DROSHA: variants seen among roughly 807,000 people sequenced by gnomAD.
The protein encoded by DROSHA is drosha ribonuclease III, also known as ribonuclease 3.
DROSHA carries 56 observed loss-of-function variants against 181.9 expected under a neutral mutation model. That is an observed-to-expected ratio of 0.31 (90% CI 0.25 to 0.38). The LOEUF is 0.38. Ranked by LOEUF, DROSHA falls within the 10% of genes least tolerant of loss-of-function variation. The pLI, the probability that DROSHA is intolerant of heterozygous loss-of-function variation, is 1.00. For missense variants in DROSHA, 1,218 were observed against 1,743.5 expected (o/e 0.70, Z 5.37); for synonymous variants, 524 against 591.2 (o/e 0.89, Z 1.65).
rs773315864 is a variant in DROSHA, at chr5:31,401,302, C to A, written c.*130G>T. 8.9e-6 allele frequency: 11 copies of A among 1,235,422 alleles called. No homozygotes were observed. The highest frequency in any genetic ancestry group is 1.3e-5 in the Non-Finnish European group (11 of 853,140). 76.5% of individuals were successfully genotyped at this position (1,235,422 alleles called of 1,614,324 possible). A position where few individuals can be genotyped will look rare whatever the true frequency, so the allele number is the denominator to read the frequency against. ...AAACAGATCATTAAAACAACAATAGCGATTTGACTCTGTATTTTATTTCAA... is the reference window on the plus strand; with the variant it reads ...AAACAGATCATTAAAACAACAATAGAGATTTGACTCTGTATTTTATTTCAA... On this transcript the variant is annotated 3_prime_UTR_variant, in exon 36 of 36. Coordinates refer to ENST00000344624, the MANE Select transcript of DROSHA (RefSeq NM_001382508.1).
At chr5:31,488,665 G>A (rs190734518) in intron 13 of DROSHA, among the ~76,000 whole-genome samples, 7 of 152,198 alleles carry the variant, frequency 4.6e-5, no homozygotes, top group Admixed American at 2.0e-4. Flanking sequence ...ATATGGCAAC[G>A]AGAAATCATT....
chr5:31,428,120 A>G (rs535277633), intron 27 of DROSHA, among the ~76,000 whole-genome samples: 5 of 152,328 alleles, frequency 3.3e-5, no homozygotes, highest in African/African-American at 1.2e-4. Flanking sequence ...AGATAAGCTC[A>G]CTAAGTAGAC....
chr5:31,472,232 T>C lies in DROSHA; in HGVS notation c.2072A>G (p.Asp691Gly). The change falls in exon 17 of 36, where the codon GAT (aspartate) becomes GGT (glycine). Residue 691 changes from aspartate (D) to glycine (G), a missense_variant and splice_region_variant. Coordinates refer to ENST00000344624, the MANE Select transcript of DROSHA (RefSeq NM_001382508.1). ...CATGGACAGCACTTCCTTTCCTCCA[T>C]CTTGGGTGGGAATGGGAGTGGAGAG... ...FMPRFVRFLP[D>G]GGKEVLSMHQ... is the part of the protein sequence containing the mutation. 6.2e-7 allele frequency: 1 copy of C among 1,603,578 alleles called. No homozygotes were observed. Among genetic ancestry groups the C allele is most frequent in the Non-Finnish European group, 8.5e-7 (1 of 1,174,474 alleles).
intron 30 of DROSHA, among the ~76,000 whole-genome samples, chr5:31,417,757 C>T (rs990103825): frequency 8.5e-5 from 13 of 152,064 alleles, no homozygotes; most frequent in African/African-American, 3.1e-4. Context: ...GAGAAACAAC[C>T]AAATGGGACT....
chr5:31,418,902 G>A (rs1580012363), intron 30 of DROSHA, among the ~76,000 whole-genome samples: 1 of 152,122 alleles, frequency 6.6e-6, no homozygotes, highest in African/African-American at 2.4e-5. Context: ...AGGCAGCTAG[G>A]GCTGGAACTC....
rs975360619 is a variant in DROSHA at position 31,514,408 on chromosome 5, A to G, written c.1290+580T>C. 1.3e-5 allele frequency among the ~76,000 whole-genome samples: 2 copies of G among 152,140 alleles called. No homozygotes were observed. The highest frequency in any genetic ancestry group is 4.8e-5 in the African/African-American group (2 of 41,446). ...GTAATCCCAGCACTTTGGGAGGCCA[A>G]GGCAGGAGGATTGCTTGAGCTCAGG... On this transcript the variant is annotated intron_variant, in intron 8 of 35. Transcript: ENST00000344624. The surrounding 1 kb of genome is among the most constrained non-coding windows in gnomAD (Gnocchi z 4.4).
chr5:31,403,645 A>G (rs1023677804), intron 35 of DROSHA, among the ~76,000 whole-genome samples: 3 of 152,276 alleles, frequency 2.0e-5, no homozygotes, highest in Admixed American at 6.5e-5. Flanking sequence ...ACAGCTATCT[A>G]TCTGTTTTTA....
intron 3 of DROSHA, among the ~76,000 whole-genome samples, chr5:31,530,064 A>C (rs1741090941): frequency 1.3e-5 from 2 of 152,242 alleles, no homozygotes; most frequent in Admixed American, 6.5e-5. Context: ...GGCTCATGAA[A>C]ATAATTTCAG....
At chr5:31,465,145 C>T (rs1011907442) in intron 19 of DROSHA, among the ~76,000 whole-genome samples, 2 of 152,188 alleles carry the variant, frequency 1.3e-5, no homozygotes, top group African/African-American at 4.8e-5. Flanking sequence ...TGGCCTAAAT[C>T]ACAGTAAGTG....
intron 5 of DROSHA, among the ~76,000 whole-genome samples, chr5:31,521,598 C>G (rs986972206): frequency 3.3e-5 from 5 of 152,110 alleles, no homozygotes; most frequent in African/African-American, 1.2e-4. Context: ...TTTTACCTAT[C>G]AAATAAATGT....
At chr5:31,446,646 G>T (rs1746334117) in intron 23 of DROSHA, among the ~76,000 whole-genome samples, 1 of 149,764 alleles carries the variant, frequency 6.7e-6, no homozygotes, top group Non-Finnish European at 1.5e-5. Flanking sequence ...TGGTAAGCCT[G>T]GGCAACATAG....
At chr5:31,463,457 G>A (rs1450313987) in intron 20 of DROSHA, among the ~76,000 whole-genome samples, 1 of 152,030 alleles carries the variant, frequency 6.6e-6, no homozygotes, top group Non-Finnish European at 1.5e-5. Context: ...TGCTACCATC[G>A]AAACAGATAA....
intron 10 of DROSHA, among the ~76,000 whole-genome samples, chr5:31,506,690 C>G (rs1316567133): frequency 8.8e-6 from 1 of 113,548 alleles, no homozygotes; most frequent in African/African-American, 2.7e-5. Context: ...TTTGAGACTC[C>G]GTCTCAAAAA....
intron 16 of DROSHA, among the ~76,000 whole-genome samples, chr5:31,481,536 C>T (rs1187443912): frequency 6.6e-6 from 1 of 152,190 alleles, no homozygotes; most frequent in Non-Finnish European, 1.5e-5. Context: ...ACTGTTGAAG[C>T]TCCATTCTAA....
Position 31,409,412 on chromosome 5 carries a change from C to A in DROSHA, c.3668-80G>T. 7.4e-7 allele frequency: 1 copy of A among 1,353,882 alleles called. No individual in the cohort carries two copies. The highest frequency in any genetic ancestry group is 1.4e-5 in the South Asian group (1 of 72,456). The allele number at this position is 1,353,882 out of a possible 1,614,324, so 83.9% of individuals were successfully genotyped here. A position where few individuals can be genotyped will look rare whatever the true frequency, so the allele number is the denominator to read the frequency against. On this transcript the variant is annotated intron_variant, in intron 31 of 35. Transcript: ENST00000344624. The surrounding 1 kb of genome is among the most constrained non-coding windows in gnomAD (Gnocchi z 4.0). ...AGAGTAAGAGACCTAGACCTTTAAG[C>A]AAAATTTTAGTAATAGTTTCAACTT...
At chr5:31,443,458 T>G (rs1439854275) in intron 23 of DROSHA, among the ~76,000 whole-genome samples, 5 of 152,174 alleles carry the variant, frequency 3.3e-5, no homozygotes, top group African/African-American at 1.2e-4. Context: ...TGATAATACG[T>G]CGATTACTTG....
At chr5:31,408,927 C>T (rs539074828) in intron 33 of DROSHA, 129 bp downstream of exon 33, 224 of 815,864 alleles carry the variant, frequency 2.7e-4, no homozygotes, top group Non-Finnish European at 1.6e-4. Flanking sequence ...GTCACACTAA[C>T]AGCCAAGAAG....
chr5:31,483,729 T>A, intron 15 of DROSHA, 101 bp from the exon 16 acceptor site: 1 of 1,167,540 alleles, frequency 8.6e-7, no homozygotes, highest in Non-Finnish European at 1.2e-6. Context: ...CCACAAAAAC[T>A]ACCACCAGAA....
At chr5:31,483,967 T>C (rs1451969464) in intron 15 of DROSHA, among the ~76,000 whole-genome samples, 1 of 151,460 alleles carries the variant, frequency 6.6e-6, no homozygotes, top group East Asian at 1.9e-4. Flanking sequence ...AATGTGACTA[T>C]GTGTTCATTC....
Sources: allele counts gnomAD v4.1 joint callset (sites outside exome capture counted in the v4.1 genomes callset), GRCh38; gene constraint gnomAD v4.1.1; non-coding constraint Gnocchi (gnomAD v3.1); transcripts MANE v1.5; gene names NCBI Gene and HGNC (gene_info 2026-07-23, HGNC 2026-07-21).